The following EFHC1 variants were observed in gnomAD, a reference collection of about 807,000 sequenced individuals.
The protein encoded by EFHC1 is EF-hand domain-containing protein 1.
In EFHC1, 53 loss-of-function variants were observed where a neutral mutation model predicts 69.9. The observed-to-expected ratio is 0.76, with a 90% confidence interval of 0.61 to 0.95. EFHC1 has a LOEUF of 0.95. Ranked by LOEUF, EFHC1 falls within the 40% of genes least tolerant of loss-of-function variation. EFHC1 has a pLI of 0.00. For synonymous variants in EFHC1, 256 were observed against 278.4 expected (o/e 0.92, Z 0.80); for missense variants, 739 against 798.7 (o/e 0.93, Z 0.90).
Position 52,428,046 on chromosome 6 carries a change from T to C in EFHC1, c.285+3879T>C, listed in dbSNP as rs76051547. On this transcript the variant is annotated intron_variant, in intron 2 of 10. Coordinates refer to ENST00000371068, the MANE Select transcript of EFHC1 (RefSeq NM_018100.4). ...CTCAGAAGGTTAGAATACATGATAA[T>C]CAGGAGCCCAGCCTGCTATAAAATT... 5.6e-3 allele frequency among the ~76,000 whole-genome samples: 845 copies of C among 152,250 alleles called. 8 individuals are homozygous for C. The highest frequency in any genetic ancestry group is 0.019 in the African/African-American group (795 of 41,542).
At chr6:52,425,341 A>T (rs993832645) in intron 2 of EFHC1, among the ~76,000 whole-genome samples, 3 of 152,198 alleles carry the variant, frequency 2.0e-5, no homozygotes, top group African/African-American at 7.2e-5. Flanking sequence ...TACAAGAGAG[A>T]AGTGGGATAG....
At chr6:52,421,015 G>A (rs1190630441) in intron 1 of EFHC1, 8 of 1,014,124 alleles carry the variant, frequency 7.9e-6, no homozygotes, top group Non-Finnish European at 9.5e-6. Flanking sequence ...CCCACTCCCA[G>A]CTCCATTTCC....
intron 9 of EFHC1, 21 bp downstream of exon 9, chr6:52,479,808 G>A (rs764826304): frequency 1.2e-6 from 2 of 1,613,232 alleles, no homozygotes; most frequent in Non-Finnish European, 1.7e-6. Context: ...GATTGCTAGG[G>A]TTTGGCACAC....
At position 52,495,973 on chromosome 6, in the gene EFHC1, C is replaced by T. The variant is rs919206800; in HGVS notation, c.*3632C>T. On this transcript the variant is annotated 3_prime_UTR_variant, in exon 11 of 11. Transcript: ENST00000371068. ...TACAAAGCAGCAAGTATAGGAGCCA[C>T]AAACGTCAGAGCAAATCACTTTTTC... The T allele has an allele frequency of 4.5e-6, 1 of 223,628 alleles. No individual in the cohort carries two copies. Among genetic ancestry groups the T allele is most frequent in the African/African-American group, 2.3e-5 (1 of 43,822 alleles). The allele number at this position is 223,628 out of a possible 1,614,324, so 13.9% of individuals were successfully genotyped here.
Position 52,492,768 on chromosome 6 carries a change from CCATG to C in EFHC1, c.*429_*432del, listed in dbSNP as rs1254040560. 8 of 442,424 alleles carry C rather than the reference CCATG, an allele frequency of 1.8e-5. No homozygotes were observed. Among genetic ancestry groups the C allele is most frequent in the South Asian group, 1.3e-4 (8 of 61,854 alleles). The allele number at this position is 442,424 out of a possible 1,614,324, so 27.4% of individuals were successfully genotyped here. On this transcript the variant is annotated 3_prime_UTR_variant, in exon 11 of 11. Coordinates refer to ENST00000371068, the MANE Select transcript of EFHC1 (RefSeq NM_018100.4). The stretch of plus-strand genomic sequence containing the variant: ...TAGCTGGGACAACAGGCTCAAGCCA[CCATG>C]CCCAGCTAATTTTTAAAATTATTTT...
intron 5 of EFHC1, 24 bp from the exon 6 acceptor site, chr6:52,464,871 C>T (rs1581838135): frequency 4.4e-6 from 7 of 1,595,896 alleles, no homozygotes; most frequent in Middle Eastern, 3.3e-4. Flanking sequence ...TTCTTTTTTT[C>T]TCTCTAACAC....
chr6:52,464,048 G>T (rs1030381938), intron 5 of EFHC1, among the ~76,000 whole-genome samples: 1 of 152,162 alleles, frequency 6.6e-6, no homozygotes, highest in Non-Finnish European at 1.5e-5. Context: ...TGTGATCAGG[G>T]TTCTGTGCCA....
intron 1 of EFHC1, among the ~76,000 whole-genome samples, chr6:52,422,311 A>G (rs1023319325): frequency 6.6e-6 from 1 of 152,202 alleles, no homozygotes; most frequent in African/African-American, 2.4e-5. Flanking sequence ...TGGTGGTGGA[A>G]GAAGAGCTTG....
rs115418562 is a variant in EFHC1, at chr6:52,466,988, C to T, written c.1137+1873C>T. Reference sequence around the variant, plus strand: ...AAAAGAAAAAGAATTATGATAAACTCTCTGCCCCCAAGTTTCTTGGCAGCA... The same window carrying T: ...AAAAGAAAAAGAATTATGATAAACTTTCTGCCCCCAAGTTTCTTGGCAGCA... On this transcript the variant is annotated intron_variant, in intron 6 of 10. Coordinates refer to ENST00000371068, the MANE Select transcript of EFHC1 (RefSeq NM_018100.4). Among the ~76,000 whole-genome samples the T allele has an allele frequency of 4.1e-3, 623 of 152,232 alleles. 8 individuals carry two copies. The highest frequency in any genetic ancestry group is 0.015 in the African/African-American group (607 of 41,514).
In EFHC1 at chr6:52,495,202, G is replaced by C. The variant is rs1330656260; in HGVS notation, c.*2861G>C. 2 of 454,004 alleles carry C rather than the reference G, an allele frequency of 4.4e-6. No individual in the cohort carries two copies. Among genetic ancestry groups the C allele is most frequent in the Admixed American group, 2.3e-5 (1 of 42,554 alleles). The allele number at this position is 454,004 out of a possible 1,614,324, so 28.1% of individuals were successfully genotyped here. ...TCACCCAGATGGCTCTCTTGGCTGTGTAATTAGGCAGCTCAATCCCTTTCC... is the reference window on the plus strand; with the variant it reads ...TCACCCAGATGGCTCTCTTGGCTGTCTAATTAGGCAGCTCAATCCCTTTCC... On this transcript the variant is annotated 3_prime_UTR_variant, in exon 11 of 11. Transcript: ENST00000371068.
At chr6:52,458,720 C>T (rs937367419) in intron 5 of EFHC1, among the ~76,000 whole-genome samples, 10 of 152,256 alleles carry the variant, frequency 6.6e-5, no homozygotes, top group African/African-American at 1.7e-4. Context: ...TTGGAGATTT[C>T]TCCAAAAGTA....
intron 7 of EFHC1, among the ~76,000 whole-genome samples, chr6:52,470,179 T>G (rs1765405373): frequency 6.6e-6 from 1 of 152,134 alleles, no homozygotes; most frequent in African/African-American, 2.4e-5. Flanking sequence ...TACATGTATT[T>G]GAAAAGATAA....
chr6:52,462,885 CAAAA>C (rs777016070), intron 5 of EFHC1, among the ~76,000 whole-genome samples: 1 of 85,432 alleles, frequency 1.2e-5, no homozygotes, highest in African/African-American at 4.2e-5. Flanking sequence ...AAGACTGTCT[CAAAA>C]AAAAAAAAAA....
chr6:52,477,934 C>G (rs1272152), intron 7 of EFHC1, among the ~76,000 whole-genome samples: 2 of 151,818 alleles, frequency 1.3e-5, no homozygotes, highest in Middle Eastern at 3.2e-3. Flanking sequence ...GGGTATATAC[C>G]GAAAGGACTA....
rs1190459928 is a variant in EFHC1, at chr6:52,496,490, A to G, written c.*4149A>G. On this transcript the variant is annotated 3_prime_UTR_variant, in exon 11 of 11. Coordinates refer to ENST00000371068, the MANE Select transcript of EFHC1 (RefSeq NM_018100.4). ...TAGGCTTTGAGGGTATTTGGGACAC[A>G]TAGGTAGAGAAGACGTCTCTAAATG... is the stretch of plus-strand genomic sequence containing the variant. 3 of 152,226 alleles carry G rather than the reference A, an allele frequency of 2.0e-5. No individual in the cohort carries two copies. In the East Asian group the frequency reaches 5.8e-4, roughly 29 times the overall value. The allele number at this position is 152,226 out of a possible 1,614,324, so 9.4% of individuals were successfully genotyped here. A position where few individuals can be genotyped will look rare whatever the true frequency, so the allele number is the denominator to read the frequency against.
intron 2 of EFHC1, among the ~76,000 whole-genome samples, chr6:52,435,135 G>C (rs1260992103): frequency 1.3e-5 from 2 of 152,062 alleles, no homozygotes; most frequent in Non-Finnish European, 2.9e-5. Context: ...TCTTTATGAT[G>C]ATAAGTTGTC....
At chr6:52,465,189 C>T in intron 6 of EFHC1, 74 bp downstream of exon 6, 1 of 1,275,452 alleles carries the variant, frequency 7.8e-7, no homozygotes, top group Non-Finnish European at 1.1e-6. Flanking sequence ...AAAAAGACTT[C>T]TATGCAAATA....
chr6:52,490,255 T>A lies in EFHC1; in HGVS notation c.1756T>A (p.Tyr586Asn), dbSNP rs756018758. 1 of 1,614,030 alleles carries A rather than the reference T, an allele frequency of 6.2e-7. No individual in the cohort carries two copies. The highest frequency in any genetic ancestry group is 8.5e-7 in the Non-Finnish European group (1 of 1,180,012). The change falls in exon 10 of 11, where the codon TAT becomes AAT. Residue 586 changes from tyrosine (Y) to asparagine (N), a missense_variant. Tyr to Asn is a moderately radical substitution (Grantham distance 143). Coordinates refer to ENST00000371068, the MANE Select transcript of EFHC1 (RefSeq NM_018100.4). ...CAACATTCGTGAGGCATTTCAAATT[T>A]ATGACAAGGAAGCTTCAGGATATGT... The part of the protein sequence containing the change: ...KDNIREAFQI[Y>N]DKEASGYVDR...
rs1435353193 is a variant in EFHC1 at position 52,494,792 on chromosome 6, C to G, written c.*2451C>G. 6 of 451,238 alleles carry G rather than the reference C, an allele frequency of 1.3e-5. No individual in the cohort carries two copies. Among genetic ancestry groups the G allele is most frequent in the Non-Finnish European group, 2.7e-5 (6 of 224,778 alleles). The allele number at this position is 451,238 out of a possible 1,614,324, so 28.0% of individuals were successfully genotyped here. On this transcript the variant is annotated 3_prime_UTR_variant, in exon 11 of 11. Transcript: ENST00000371068. ...GCTCCCACTTAGAAGTAAGAACATGCAATATTTGGTTTCCTATTCCTGCAT... is the reference window on the plus strand; with the variant it reads ...GCTCCCACTTAGAAGTAAGAACATGGAATATTTGGTTTCCTATTCCTGCAT...
Sources: gnomAD v4.1 joint callset for allele counts (sites outside exome capture counted in the v4.1 genomes callset) on GRCh38, gnomAD v4.1.1 for gene constraint, MANE v1.5 for transcripts, NCBI Gene and HGNC (gene_info 2026-07-23, HGNC 2026-07-21) for gene names.